The following YLPM1 variants were observed in gnomAD, a reference collection of about 807,000 sequenced individuals.
The protein encoded by YLPM1 is YLP motif containing 1, also known as YLP motif-containing protein 1.
Under a neutral mutation model 230.0 loss-of-function variants are expected in YLPM1, and 99 were observed. The ratio of observed to expected loss-of-function variants is 0.43; its 90% CI spans 0.37 to 0.51. The LOEUF (loss-of-function observed/expected upper bound fraction) is 0.51. Among genes scored for constraint, YLPM1 ranks in the 20% least tolerant of loss-of-function variants. The pLI is 0.00. For synonymous variants in YLPM1, 984 were observed against 942.5 expected (o/e 1.04, Z -0.81); for missense variants, 2,592 against 2,707.7 (o/e 0.96, Z 0.95).
At chr14:74,813,311 T>G (rs954436980) in intron 11 of YLPM1, among the ~76,000 whole-genome samples, 1 of 152,256 alleles carries the variant, frequency 6.6e-6, no homozygotes, top group Non-Finnish European at 1.5e-5. Flanking sequence ...ACTTGACCTT[T>G]CCTGTGGTTG....
intron 19 of YLPM1, 143 bp from the exon 20 acceptor site, chr14:74,835,122 C>A (rs758357845): frequency 1.3e-5 from 14 of 1,051,292 alleles, no homozygotes; most frequent in Non-Finnish European, 1.9e-5. Context: ...ATGGCTTTTC[C>A]CAGTTTTCCT....
intron 16 of YLPM1, among the ~76,000 whole-genome samples, chr14:74,818,568 T>C (rs796564712): frequency 9.0e-4 from 137 of 152,300 alleles, no homozygotes; most frequent in African/African-American, 3.2e-3. Context: ...GCAGATCTTA[T>C]AAACCTTCAC....
At position 74,776,850 on chromosome 14, in the gene YLPM1, G is replaced by C. The variant is rs8014391; in HGVS notation, c.874-1597G>C. 6.8e-3 allele frequency among the ~76,000 whole-genome samples: 1,040 copies of C among 152,188 alleles called. 9 individuals are homozygous for C. Among genetic ancestry groups the C allele is most frequent in the African/African-American group, 0.024 (981 of 41,510 alleles). On this transcript the variant is annotated intron_variant, in intron 1 of 20. Transcript: ENST00000325680. Reference sequence around the variant, plus strand: ...GGCCAAGGTGGATCACTTGAGTCCAGGAGTTTGAAACCAGCCTGGGCAACA... The same window carrying C: ...GGCCAAGGTGGATCACTTGAGTCCACGAGTTTGAAACCAGCCTGGGCAACA...
intron 1 of YLPM1, among the ~76,000 whole-genome samples, chr14:74,765,388 G>T (rs1360483739): frequency 6.6e-6 from 1 of 152,096 alleles, no homozygotes; most frequent in Non-Finnish European, 1.5e-5. Flanking sequence ...ATAATTTTAC[G>T]GTGGTTTGGC....
intron 4 of YLPM1, among the ~76,000 whole-genome samples, chr14:74,794,407 C>T (rs1166656934): frequency 1.3e-5 from 2 of 152,198 alleles, no homozygotes; most frequent in African/African-American, 2.4e-5. Flanking sequence ...GTCTCTAACT[C>T]CTGACCTCAA....
At chr14:74,832,938 A>G (rs1359165715) in intron 19 of YLPM1, among the ~76,000 whole-genome samples, 1 of 148,278 alleles carries the variant, frequency 6.7e-6, no homozygotes, top group African/African-American at 2.6e-5. Context: ...TGATCAGTAT[A>G]TTTAACTATG....
chr14:74,796,961 A>G (rs1269212299), intron 4 of YLPM1, among the ~76,000 whole-genome samples: 31 of 140,086 alleles, frequency 2.2e-4, no homozygotes, highest in Admixed American at 1.5e-3. Flanking sequence ...CACAGTATTT[A>G]TAATTGCTTT....
At chr14:74,788,841 AAAAG>A (rs949548126) in intron 4 of YLPM1, among the ~76,000 whole-genome samples, 5 of 152,206 alleles carry the variant, frequency 3.3e-5, no homozygotes, top group South Asian at 4.1e-4. Flanking sequence ...GACTCAAAAA[AAAAG>A]AAAGAAAAGA....
chr14:74,784,246 T>A (rs2091124326), intron 4 of YLPM1, among the ~76,000 whole-genome samples: 1 of 152,240 alleles, frequency 6.6e-6, no homozygotes, highest in African/African-American at 2.4e-5. Context: ...TGTGTGAATT[T>A]AGGACCTATT....
intron 18 of YLPM1, among the ~76,000 whole-genome samples, chr14:74,824,938 T>C (rs1464617526): frequency 6.6e-6 from 1 of 152,114 alleles, no homozygotes; most frequent in East Asian, 1.9e-4. Flanking sequence ...GTCATACATA[T>C]CCAATGGATT....
intron 9 of YLPM1, among the ~76,000 whole-genome samples, chr14:74,811,224 G>C (rs1372750326): frequency 6.6e-6 from 1 of 152,014 alleles, no homozygotes; most frequent in Non-Finnish European, 1.5e-5. Context: ...GCTCACGCCT[G>C]TAATCCTAGC....
chr14:74,767,818 A>ATT (rs747395491), intron 1 of YLPM1, among the ~76,000 whole-genome samples: 17 of 142,194 alleles, frequency 1.2e-4, no homozygotes, highest in African/African-American at 3.9e-4. Context: ...TGTCTTCCAC[A>ATT]TTTTTTTTTT....
At position 74,781,798 on chromosome 14, in the gene YLPM1, A is replaced by C; in HGVS notation, c.1755A>C (p.Ala585=). 6.2e-7 allele frequency: 1 copy of C among 1,605,414 alleles called. No homozygotes were observed. ...GGATGCCTCCTTCTCTCTCTTCTGCAGGGCCACCACCAGTTCTCCCCCCAC... is the reference window on the plus strand; with the variant it reads ...GGATGCCTCCTTCTCTCTCTTCTGCCGGGCCACCACCAGTTCTCCCCCCAC... ...PPGMPPSLSS[A]GPPPVLPPPS... The change falls in exon 4 of 21, where the codon GCA becomes GCC. Residue 585 remains alanine (A), a synonymous_variant. Coordinates refer to ENST00000325680, the MANE Select transcript of YLPM1 (RefSeq NM_019589.3).
At chr14:74,801,828 A>G (rs2140114793) in intron 5 of YLPM1, among the ~76,000 whole-genome samples, 1 of 152,356 alleles carries the variant, frequency 6.6e-6, no homozygotes, top group South Asian at 2.1e-4. Flanking sequence ...GCTAATTTCA[A>G]ATTTTAAAAA....
rs2090876120 is a variant in YLPM1 at position 74,763,787 on chromosome 14, T to C, written c.298T>C (p.Trp100Arg). The change falls in exon 1 of 21, where the codon TGG becomes CGG. Residue 100 changes from tryptophan (W) to arginine (R), a missense_variant. This residue lies in a region of YLPM1 where 1,862 missense variants were observed against 1,819.8 expected (regional missense o/e 1.02). Coordinates refer to ENST00000325680, the MANE Select transcript of YLPM1 (RefSeq NM_019589.3). Reference sequence around the variant, plus strand: ...GATGCCGGGGGGCGGCTACGGAGACTGGCAGCCGCCACCGCCACCGATGCC... The same window carrying C: ...GATGCCGGGGGGCGGCTACGGAGACCGGCAGCCGCCACCGCCACCGATGCC... ...PVMPGGGYGD[W>R]QPPPPPMPPP... 1.4e-5 allele frequency: 21 copies of C among 1,506,920 alleles called. No individual in the cohort carries two copies. The highest frequency in any genetic ancestry group is 2.3e-5 in the Admixed American group (1 of 43,316). The allele number at this position is 1,506,920 out of a possible 1,614,324, so 93.3% of individuals were successfully genotyped here.
intron 4 of YLPM1, among the ~76,000 whole-genome samples, chr14:74,789,188 T>A (rs1208489246): frequency 6.6e-6 from 1 of 152,108 alleles, no homozygotes; most frequent in Admixed American, 6.5e-5. Context: ...GTGTAGGTCC[T>A]CCAATTCTGT....
rs1391928473 is a variant in YLPM1 at position 74,809,576 on chromosome 14, G to A, written c.4718G>A (p.Arg1573Gln). 2 of 1,611,744 alleles carry A rather than the reference G, an allele frequency of 1.2e-6. No individual in the cohort carries two copies. The highest frequency in any genetic ancestry group is 1.7e-6 in the Non-Finnish European group (2 of 1,178,772). ...KPQTSAVEQE[R>Q]WDEDSFYGLW... ...CAAACTTCAGCTGTAGAACAGGAAC[G>A]ATGGGATGAAGATTCTTTCTATGGG... is the stretch of plus-strand genomic sequence containing the variant. The change falls in exon 7 of 21, where the codon CGA (arginine) becomes CAA (glutamine). Residue 1573 changes from arginine to glutamine, a missense_variant. Physicochemically the swap from Arg to Gln is conservative, Grantham distance 43. Transcript: ENST00000325680.
chr14:74,805,390 CTGGAATACAG>C (rs1288932815), intron 6 of YLPM1, among the ~76,000 whole-genome samples: 1 of 151,688 alleles, frequency 6.6e-6, no homozygotes, highest in Non-Finnish European at 1.5e-5. Context: ...GCCTGGGAGG[CTGGAATACAG>C]TGGTACAATC....
intron 19 of YLPM1, among the ~76,000 whole-genome samples, chr14:74,832,637 T>C (rs2091615862): frequency 6.6e-6 from 1 of 152,028 alleles, no homozygotes; most frequent in Non-Finnish European, 1.5e-5. Flanking sequence ...GTCCGGCTAA[T>C]TTTGTTTGTA....
Sources: gnomAD v4.1 joint callset for allele counts (sites outside exome capture counted in the v4.1 genomes callset) on GRCh38, gnomAD v4.1.1 for gene constraint, gnomAD v4.1.1 regional missense constraint, MANE v1.5 for transcripts, NCBI Gene and HGNC (gene_info 2026-07-23, HGNC 2026-07-21) for gene names.